COG5: variants seen among roughly 807,000 people sequenced by gnomAD.
COG5 encodes component of oligomeric golgi complex 5, also known as conserved oligomeric Golgi complex subunit 5.
A neutral mutation model predicts 110.4 loss-of-function variants in COG5; 86 were observed. That is an observed-to-expected ratio of 0.78 (90% CI 0.65 to 0.93). The LOEUF (loss-of-function observed/expected upper bound fraction) is 0.93. COG5 is among the 40% of genes least tolerant of loss of function. The pLI is 0.00. For synonymous variants in COG5, 360 were observed against 334.6 expected (o/e 1.08, Z -0.83); for missense variants, 1,077 against 987.0 (o/e 1.09, Z -1.22).
chr7:107,398,512 T>C (rs1379922515), intron 7 of COG5, among the ~76,000 whole-genome samples: 2 of 152,184 alleles, frequency 1.3e-5, no homozygotes, highest in Non-Finnish European at 2.9e-5. Flanking sequence ...TGTGTGCTCC[T>C]TATGAGAATC....
chr7:107,555,275 C>T (rs1475113111), intron 2 of COG5, among the ~76,000 whole-genome samples: 3 of 152,206 alleles, frequency 2.0e-5, no homozygotes, highest in Non-Finnish European at 4.4e-5. Flanking sequence ...AGAAACATCA[C>T]AAAATCATGC....
At chr7:107,288,742 C>A (rs1805860330) in intron 12 of COG5, among the ~76,000 whole-genome samples, 1 of 151,482 alleles carries the variant, frequency 6.6e-6, no homozygotes, top group Non-Finnish European at 1.5e-5. Flanking sequence ...TTCACCCATT[C>A]CTAATGGTAA....
At chr7:107,249,933 A>G (rs563455421) in intron 16 of COG5, among the ~76,000 whole-genome samples, 1 of 152,162 alleles carries the variant, frequency 6.6e-6, no homozygotes, top group East Asian at 1.9e-4. Context: ...CACTTGGGAA[A>G]CCACAAGACA....
intron 16 of COG5, among the ~76,000 whole-genome samples, chr7:107,256,512 T>C (rs1802889348): frequency 6.6e-6 from 1 of 152,162 alleles, no homozygotes; most frequent in African/African-American, 2.4e-5. Flanking sequence ...ACAACTGTCA[T>C]AAGTAGAACA....
chr7:107,521,834 T>C (rs1377781878), intron 6 of COG5, among the ~76,000 whole-genome samples: 3 of 152,200 alleles, frequency 2.0e-5, no homozygotes, highest in Non-Finnish European at 4.4e-5. Context: ...CATGCACATG[T>C]ATGTTTACTG....
chr7:107,230,714 A>T, intron 18 of COG5, 23 bp from the exon 19 acceptor site: 1 of 1,530,902 alleles, frequency 6.5e-7, no homozygotes, highest in Non-Finnish European at 9.1e-7. Context: ...AATATACTCC[A>T]TTGTTGTAAT....
At chr7:107,300,140 T>C (rs1807140505) in intron 11 of COG5, among the ~76,000 whole-genome samples, 1 of 152,026 alleles carries the variant, frequency 6.6e-6, no homozygotes, top group South Asian at 2.1e-4. Context: ...CATTCACTCC[T>C]ACTAAGAACT....
chr7:107,317,694 A>C (rs1372918454), intron 11 of COG5, among the ~76,000 whole-genome samples: 1 of 152,328 alleles, frequency 6.6e-6, no homozygotes, highest in Admixed American at 6.5e-5. Context: ...TGACAAAATT[A>C]ATCAGCCCCA....
At chr7:107,557,728 G>A (rs570092448) in intron 2 of COG5, among the ~76,000 whole-genome samples, 6 of 151,874 alleles carry the variant, frequency 4.0e-5, no homozygotes, top group African/African-American at 1.2e-4. Context: ...CACTATATTC[G>A]TTGCACATCA....
At chr7:107,371,015 C>T (rs1336025503) in intron 8 of COG5, among the ~76,000 whole-genome samples, 2 of 151,578 alleles carry the variant, frequency 1.3e-5, no homozygotes, top group Admixed American at 6.6e-5. Context: ...CCATTCTTGA[C>T]GACACAAGGG....
chr7:107,525,028 A>C (rs969434894), intron 6 of COG5, among the ~76,000 whole-genome samples: 2 of 152,112 alleles, frequency 1.3e-5, no homozygotes, highest in Admixed American at 6.6e-5. Flanking sequence ...CCTGGGTTCA[A>C]GTGATTCTCC....
intron 6 of COG5, among the ~76,000 whole-genome samples, chr7:107,514,207 A>G (rs1005676700): frequency 2.0e-5 from 3 of 152,076 alleles, no homozygotes; most frequent in African/African-American, 7.2e-5. Flanking sequence ...GCTTGATTAT[A>G]CTTTTAAAAA....
At chr7:107,452,354 G>A (rs925697670) in intron 6 of COG5, among the ~76,000 whole-genome samples, 8 of 152,038 alleles carry the variant, frequency 5.3e-5, no homozygotes, top group Non-Finnish European at 7.4e-5. Flanking sequence ...ATAATATTTG[G>A]CCCTATCTCT....
intron 5 of COG5, among the ~76,000 whole-genome samples, chr7:107,528,405 A>G (rs1303588185): frequency 6.6e-6 from 1 of 152,188 alleles, no homozygotes; most frequent in East Asian, 1.9e-4. Flanking sequence ...AATCACTAAT[A>G]AATTATAAAA....
At chr7:107,490,906 GA>G (rs906938689) in intron 6 of COG5, among the ~76,000 whole-genome samples, 5 of 152,016 alleles carry the variant, frequency 3.3e-5, no homozygotes, top group Admixed American at 3.3e-4. Context: ...TACTTTGATG[GA>G]AAAAATTTAT....
intron 14 of COG5, among the ~76,000 whole-genome samples, chr7:107,259,171 T>C (rs1004894137): frequency 6.6e-6 from 1 of 152,160 alleles, no homozygotes; most frequent in East Asian, 1.9e-4. Flanking sequence ...CATTCTCATA[T>C]TGATCAGATT....
At chr7:107,475,364 GA>G in intron 6 of COG5, 1 of 1,382,304 alleles carries the variant, frequency 7.2e-7, no homozygotes, top group Non-Finnish European at 9.8e-7. Flanking sequence ...ACAGACTAGA[GA>G]AAAGTCTCAG....
rs566946955 is a variant in COG5 at position 107,419,236 on chromosome 7, CAG to C, written c.539-6606_539-6605del. ...AGAAACGCAAATGGCTTATAGAGAA[CAG>C]AGAACATAATAATGTGGGCTTAAAA... On this transcript the variant is annotated intron_variant, in intron 6 of 21. Coordinates refer to ENST00000297135, the MANE Select transcript of COG5 (RefSeq NM_006348.5). Among the ~76,000 whole-genome samples the C allele has an allele frequency of 2.0e-3, 303 of 151,924 alleles. 2 individuals carry two copies. Among genetic ancestry groups the C allele is most frequent in the African/African-American group, 6.9e-3 (286 of 41,452 alleles).
At chr7:107,287,594 A>G (rs1805747635) in intron 12 of COG5, among the ~76,000 whole-genome samples, 2 of 152,314 alleles carry the variant, frequency 1.3e-5, no homozygotes, top group African/African-American at 4.8e-5. Flanking sequence ...AGAACATTTT[A>G]TCACCTCAAA....
Sources: allele counts gnomAD v4.1 joint callset (sites outside exome capture counted in the v4.1 genomes callset), GRCh38; gene constraint gnomAD v4.1.1; transcripts MANE v1.5; gene names NCBI Gene and HGNC (gene_info 2026-07-23, HGNC 2026-07-21).